The following MARK2 variants were observed in gnomAD, a reference collection of about 807,000 sequenced individuals.
MARK2 encodes microtubule affinity regulating kinase 2.
MARK2 carries 16 observed loss-of-function variants against 89.8 expected under a neutral mutation model. That is an observed-to-expected ratio of 0.18 (90% CI 0.12 to 0.27). MARK2 has a LOEUF of 0.27. Among genes scored for constraint, MARK2 ranks in the 10% least tolerant of loss-of-function variants. The pLI, the probability that MARK2 is intolerant of heterozygous loss-of-function variation, is 1.00. For missense variants in MARK2, 621 were observed against 1,049.9 expected, an observed-to-expected ratio of 0.59 and a Z score of 5.65; for synonymous variants, 382 against 399.5, an observed-to-expected ratio of 0.96 and a Z score of 0.52.
chr11:63,863,847 A>G (rs1195145197), intron 1 of MARK2, among the ~76,000 whole-genome samples: 1 of 151,856 alleles, frequency 6.6e-6, no homozygotes, highest in Admixed American at 6.6e-5. Context: ...AACATGGCTC[A>G]CTGCAGCCTC....
chr11:63,879,650 C>G (rs1357401507), intron 1 of MARK2, among the ~76,000 whole-genome samples: 1 of 151,848 alleles, frequency 6.6e-6, no homozygotes, highest in Non-Finnish European at 1.5e-5. Flanking sequence ...GGGCTTGCTT[C>G]TAGAAAGATT....
At chr11:63,875,243 C>G (rs1938680137) in intron 1 of MARK2, among the ~76,000 whole-genome samples, 1 of 151,804 alleles carries the variant, frequency 6.6e-6, no homozygotes, top group Admixed American at 6.6e-5. Flanking sequence ...GCCTCAGCCT[C>G]TTGAGTACCT....
At chr11:63,880,633 C>G (rs1017735595) in intron 1 of MARK2, among the ~76,000 whole-genome samples, 6 of 152,132 alleles carry the variant, frequency 3.9e-5, no homozygotes, top group African/African-American at 1.4e-4. Flanking sequence ...AGTCTGAGGA[C>G]CTGGTGGTTG....
At position 63,895,163 on chromosome 11, in the gene MARK2, C is replaced by G; in HGVS notation, c.59C>G (p.Thr20Ser). The change falls in exon 2 of 19, where the codon ACC becomes AGC. Residue 20 changes from threonine (T) to serine (S), a missense_variant. Physicochemically the swap from Thr to Ser is moderately conservative, Grantham distance 58 (BLOSUM62 1). Transcript: ENST00000402010. Reference protein sequence around the residue: ...TLNERDTEQPTLGHLDSKPSS... With the variant: ...TLNERDTEQPSLGHLDSKPSS... ...ATCTCTGTTTCCACCCCGCAGCCCA[C>G]CTTGGGACACCTTGACTCCAAGCCC... 6.2e-7 allele frequency: 1 copy of G among 1,612,760 alleles called. No individual in the cohort carries two copies. Among genetic ancestry groups the G allele is most frequent in the South Asian group, 1.1e-5 (1 of 90,982 alleles).
intron 1 of MARK2, among the ~76,000 whole-genome samples, chr11:63,859,416 G>T (rs1319190602): frequency 6.6e-6 from 1 of 151,364 alleles, no homozygotes; most frequent in African/African-American, 2.4e-5. Flanking sequence ...CGCCTCACAG[G>T]TTCAAGCAAT....
At chr11:63,855,309 A>G (rs1366424910) in intron 1 of MARK2, among the ~76,000 whole-genome samples, 2 of 152,318 alleles carry the variant, frequency 1.3e-5, no homozygotes, top group South Asian at 2.1e-4. Context: ...GCTTGAGGTC[A>G]GAAGTTCAAG....
In MARK2 at chr11:63,903,836, T is replaced by A; in HGVS notation, c.1515-150T>A. 1 of 605,802 alleles carries A rather than the reference T, an allele frequency of 1.7e-6. No individual in the cohort carries two copies. The highest frequency in any genetic ancestry group is 3.3e-5 in the Admixed American group (1 of 30,348). The allele number at this position is 605,802 out of a possible 1,614,324, so 37.5% of individuals were successfully genotyped here. Reference sequence around the variant, plus strand: ...ACTTCTCAGCCCCGCATTCCTCAGTTCTGACTTGCATCCCGCTGCTGCCCA... The same window carrying A: ...ACTTCTCAGCCCCGCATTCCTCAGTACTGACTTGCATCCCGCTGCTGCCCA... On this transcript the variant is annotated intron_variant, in intron 14 of 18. Coordinates refer to ENST00000402010, the MANE Select transcript of MARK2 (RefSeq NM_001039469.3). The surrounding 1 kb of genome is among the most constrained non-coding windows in gnomAD (Gnocchi z 5.1).
chr11:63,861,919 T>G (rs909431190), intron 1 of MARK2, among the ~76,000 whole-genome samples: 1 of 133,234 alleles, frequency 7.5e-6, no homozygotes, highest in African/African-American at 2.7e-5. Context: ...TTTCTTTCTT[T>G]CTTTCTTTTT....
At chr11:63,862,094 T>G (rs1397185102) in intron 1 of MARK2, among the ~76,000 whole-genome samples, 1 of 151,920 alleles carries the variant, frequency 6.6e-6, no homozygotes. Flanking sequence ...CGGCTAATAT[T>G]TTGTATTTCT....
In MARK2 at chr11:63,900,418, C is replaced by T; in HGVS notation, c.769-141C>T. On this transcript the variant is annotated intron_variant, in intron 8 of 18. Coordinates refer to ENST00000402010, the MANE Select transcript of MARK2 (RefSeq NM_001039469.3). This position sits in a 1 kb window ranked among gnomAD's most constrained non-coding sequence, Gnocchi z 4.7. Reference sequence around the variant, plus strand: ...TTCACTTGCCTCTCTGGTGAGGTGTCTTGTCCCCAGGCTGTCTGCCTTCTT... The same window carrying T: ...TTCACTTGCCTCTCTGGTGAGGTGTTTTGTCCCCAGGCTGTCTGCCTTCTT... The T allele has an allele frequency of 3.9e-6, 4 of 1,034,244 alleles. No homozygotes were observed. The South Asian group carries it at 6.0e-5, about 16-fold the overall frequency. 64.1% of individuals were successfully genotyped at this position (1,034,244 alleles called of 1,614,324 possible).
intron 1 of MARK2, among the ~76,000 whole-genome samples, chr11:63,888,286 G>GGTCAGCACATCTGA (rs1447986129): frequency 6.6e-6 from 1 of 152,114 alleles, no homozygotes; most frequent in Admixed American, 6.5e-5. Context: ...CGCCACTCTG[G>GGTCAGCACATCTGA]GTCAGCACAT....
At chr11:63,875,644 G>A (rs975526556) in intron 1 of MARK2, among the ~76,000 whole-genome samples, 1 of 152,330 alleles carries the variant, frequency 6.6e-6, no homozygotes, top group African/African-American at 2.4e-5. Flanking sequence ...ACATGCAGCT[G>A]TTTCAGGAAA....
At chr11:63,859,541 GA>G (rs1233192624) in intron 1 of MARK2, among the ~76,000 whole-genome samples, 28 of 150,284 alleles carry the variant, frequency 1.9e-4, no homozygotes, top group African/African-American at 6.4e-4. Context: ...GGCTGGTCTT[GA>G]ATTCCTGACC....
At chr11:63,839,928 C>T (rs190453012) in intron 1 of MARK2, among the ~76,000 whole-genome samples, 7 of 152,284 alleles carry the variant, frequency 4.6e-5, no homozygotes, top group Admixed American at 4.6e-4. Flanking sequence ...AATAGCAGCA[C>T]CCCGCGATTT....
intron 1 of MARK2, among the ~76,000 whole-genome samples, chr11:63,861,391 C>T (rs1321802522): frequency 6.6e-6 from 1 of 152,010 alleles, no homozygotes; most frequent in Non-Finnish European, 1.5e-5. Flanking sequence ...GCTGAGATCG[C>T]ACCACTGCAC....
chr11:63,886,645 A>G (rs1001700503), intron 1 of MARK2, among the ~76,000 whole-genome samples: 6 of 152,088 alleles, frequency 3.9e-5, no homozygotes, highest in African/African-American at 1.4e-4. Flanking sequence ...GCTGGTCTCG[A>G]ACTCCTGACC....
At chr11:63,859,137 A>G (rs1184779389) in intron 1 of MARK2, among the ~76,000 whole-genome samples, 2 of 151,968 alleles carry the variant, frequency 1.3e-5, no homozygotes, top group Non-Finnish European at 2.9e-5. Flanking sequence ...GAAAACTGCA[A>G]CGCTTACACA....
At chr11:63,898,547 T>C (rs866345203) in intron 4 of MARK2, 61 bp from the exon 5 acceptor site, 4 of 1,286,324 alleles carry the variant, frequency 3.1e-6, no homozygotes, top group South Asian at 2.4e-5. Flanking sequence ...CTGGACATGT[T>C]GGAGAGCAGT....
At chr11:63,840,157 CTCA>C (rs1029634226) in intron 1 of MARK2, among the ~76,000 whole-genome samples, 2 of 152,332 alleles carry the variant, frequency 1.3e-5, no homozygotes, top group Non-Finnish European at 2.9e-5. Context: ...CAGCTCCACC[CTCA>C]TCACCTTTCC....
Sources: gnomAD v4.1 joint callset for allele counts (sites outside exome capture counted in the v4.1 genomes callset) on GRCh38, gnomAD v4.1.1 for gene constraint, Gnocchi (gnomAD v3.1) non-coding constraint, MANE v1.5 for transcripts, NCBI Gene and HGNC (gene_info 2026-07-23, HGNC 2026-07-21) for gene names.